The following ANKS1B variants were observed in gnomAD, a reference collection of about 807,000 sequenced individuals.
ANKS1B encodes the protein ankyrin repeat and sterile alpha motif domain-containing protein 1B.
ANKS1B carries 36 observed loss-of-function variants against 148.3 expected under a neutral mutation model. That is an observed-to-expected ratio of 0.24 (90% CI 0.19 to 0.32). The LOEUF (loss-of-function observed/expected upper bound fraction) is 0.32. ANKS1B is among the 10% of genes least tolerant of loss of function. The pLI is 1.00. For synonymous variants in ANKS1B, 542 were observed against 560.8 expected (o/e 0.97, Z 0.47); for missense variants, 1,157 against 1,542.6 (o/e 0.75, Z 4.19).
chr12:99,532,888 A>G (rs2097016086), intron 9 of ANKS1B, among the ~76,000 whole-genome samples: 3 of 152,008 alleles, frequency 2.0e-5, no homozygotes, highest in Admixed American at 6.6e-5. Flanking sequence ...CTCTGTGCCT[A>G]TTTTATACCA....
At chr12:99,407,057 C>T (rs538049312) in intron 11 of ANKS1B, among the ~76,000 whole-genome samples, 3 of 145,880 alleles carry the variant, frequency 2.1e-5, no homozygotes, top group South Asian at 4.2e-4. Context: ...ATACCAAAAC[C>T]GGACAAAGAC....
At chr12:99,456,186 C>A (rs1200535445) in intron 10 of ANKS1B, among the ~76,000 whole-genome samples, 1 of 152,122 alleles carries the variant, frequency 6.6e-6, no homozygotes, top group Admixed American at 6.5e-5. Context: ...ACAGTCACTT[C>A]AGCTCTCAGG....
intron 24 of ANKS1B, among the ~76,000 whole-genome samples, chr12:98,774,892 T>G (rs2098652915): frequency 6.6e-6 from 1 of 152,210 alleles, no homozygotes; most frequent in Admixed American, 6.5e-5. Flanking sequence ...AAATTGCAAT[T>G]GGAATCCCAT....
At position 99,655,893 on chromosome 12, in the gene ANKS1B, C is replaced by T. The variant is rs909559131; in HGVS notation, c.1129-683G>A. On this transcript the variant is annotated intron_variant, in intron 8 of 26. Transcript: ENST00000683438. ...AACAGATGGGTATTACCTGACTTAGCAAACATGAGAACACTGAAAGCAAAG... is the reference window on the plus strand; with the variant it reads ...AACAGATGGGTATTACCTGACTTAGTAAACATGAGAACACTGAAAGCAAAG... Among the ~76,000 whole-genome samples, 7 of 152,078 alleles carry T rather than the reference C, an allele frequency of 4.6e-5. No homozygotes were observed. The East Asian group carries it at 1.2e-3, about 25-fold the overall frequency.
At chr12:99,052,454 G>A (rs983843373) in intron 17 of ANKS1B, among the ~76,000 whole-genome samples, 6 of 148,772 alleles carry the variant, frequency 4.0e-5, no homozygotes, top group African/African-American at 1.3e-4. Flanking sequence ...GGGGCCGGGC[G>A]CGGTGGCTCA....
rs1418619949 is a variant in ANKS1B, at chr12:99,254,402, GT to G, written c.1757-7539del. ...ACTTTCATTATCTCATGAGTGTACAGTAGAGTTGTTCAGAGGCTACATGATG... is the reference window on the plus strand; with the variant it reads ...ACTTTCATTATCTCATGAGTGTACAGAGAGTTGTTCAGAGGCTACATGATG... On this transcript the variant is annotated intron_variant, in intron 12 of 26. Coordinates refer to ENST00000683438, the MANE Select transcript of ANKS1B (RefSeq NM_001352186.2). 5.3e-5 allele frequency among the ~76,000 whole-genome samples: 8 copies of G among 152,328 alleles called. No individual in the cohort carries two copies. In the East Asian group the frequency reaches 1.5e-3, roughly 29 times the overall value.
At chr12:99,820,106 T>G (rs1441763338) in intron 2 of ANKS1B, among the ~76,000 whole-genome samples, 7 of 151,972 alleles carry the variant, frequency 4.6e-5, no homozygotes, top group Non-Finnish European at 8.8e-5. Context: ...TGCAGTAAAT[T>G]TTGTTTTATT....
chr12:98,761,643 T>C (rs1039168495), intron 25 of ANKS1B, among the ~76,000 whole-genome samples: 16 of 152,250 alleles, frequency 1.1e-4, no homozygotes, highest in Non-Finnish European at 8.8e-5. Context: ...TACCTATTCA[T>C]GTAGGCTGTC....
At chr12:99,618,945 G>A (rs2098009778) in intron 9 of ANKS1B, among the ~76,000 whole-genome samples, 1 of 152,096 alleles carries the variant, frequency 6.6e-6, no homozygotes, top group Non-Finnish European at 1.5e-5. Flanking sequence ...AGTCGGCACT[G>A]GAATTGTACT....
intron 17 of ANKS1B, among the ~76,000 whole-genome samples, chr12:99,038,283 T>A (rs111697678): frequency 0.016 from 2,432 of 152,210 alleles, 24 homozygotes; most frequent in South Asian, 0.041. Flanking sequence ...TAACAAATAT[T>A]CCCAATCTCA....
chr12:98,884,805 C>CAAAAA lies in ANKS1B; in HGVS notation c.2779-52674_2779-52670dup, dbSNP rs35160751. ...TGGGCGACAGAGCGAGACTCCGTCTCAAAAAAAAAAAAAAAAAAAAGAAAC... is the reference window on the plus strand; with the variant it reads ...TGGGCGACAGAGCGAGACTCCGTCTCAAAAAAAAAAAAAAAAAAAAAAAAAGAAAC... On this transcript the variant is annotated intron_variant, in intron 17 of 26. Coordinates refer to ENST00000683438, the MANE Select transcript of ANKS1B (RefSeq NM_001352186.2). Among the ~76,000 whole-genome samples, 28 of 83,740 alleles carry CAAAAA rather than the reference C, an allele frequency of 3.3e-4. 1 individual carries two copies. Among genetic ancestry groups the CAAAAA allele is most frequent in the African/African-American group, 1.2e-3 (25 of 21,692 alleles). The allele number at this position is 83,740 out of a possible 152,430, so 54.9% of individuals were successfully genotyped here.
intron 8 of ANKS1B, among the ~76,000 whole-genome samples, chr12:99,735,333 G>T (rs1044641030): frequency 2.0e-5 from 3 of 151,958 alleles, no homozygotes; most frequent in African/African-American, 7.2e-5. Context: ...TGAAAAGTTG[G>T]CTTTTCAAAA....
chr12:98,902,393 AAAG>A (rs2099773349), intron 17 of ANKS1B, among the ~76,000 whole-genome samples: 1 of 152,224 alleles, frequency 6.6e-6, no homozygotes. Context: ...GTTAGCAATG[AAAG>A]AAGAAGGCTG....
Position 99,246,524 on chromosome 12 carries a change from C to T in ANKS1B, c.2097G>A (p.Gly699=), listed in dbSNP as rs1203306920. ...CCCCTGCGTTCATAACCCACTGGTC[C>T]CCATTCCGAGATCCACTCCTGGTTG... ...TRSTRSGSRN[G]DQWVMNAGGF... is the part of the protein sequence containing the mutation. Residue 699 remains glycine, a synonymous_variant, in exon 13 of 27, where the codon GGG becomes GGA. Coordinates refer to ENST00000683438, the MANE Select transcript of ANKS1B (RefSeq NM_001352186.2). 2 of 1,613,806 alleles carry T rather than the reference C, an allele frequency of 1.2e-6. No individual in the cohort carries two copies.
intron 15 of ANKS1B, among the ~76,000 whole-genome samples, chr12:99,089,655 C>T (rs1566000327): frequency 1.3e-5 from 2 of 152,230 alleles, no homozygotes; most frequent in Non-Finnish European, 2.9e-5. Flanking sequence ...TATTCATGTG[C>T]CTCTTAGTCA....
intron 20 of ANKS1B, among the ~76,000 whole-genome samples, chr12:98,803,786 T>C (rs1177842337): frequency 6.6e-6 from 1 of 152,240 alleles, no homozygotes; most frequent in Non-Finnish European, 1.5e-5. Flanking sequence ...ATGCAAATCA[T>C]ATGCAAATTC....
intron 24 of ANKS1B, among the ~76,000 whole-genome samples, chr12:98,779,608 TC>T (rs775919266): frequency 6.6e-6 from 1 of 152,046 alleles, no homozygotes; most frequent in South Asian, 2.1e-4. Context: ...GAAAAAAAAA[TC>T]CAGGTGCCAA....
At chr12:99,178,609 G>A (rs936491984) in intron 14 of ANKS1B, among the ~76,000 whole-genome samples, 1 of 152,080 alleles carries the variant, frequency 6.6e-6, no homozygotes, top group African/African-American at 2.4e-5. Flanking sequence ...ACAATGCAGG[G>A]AATGTTTCCC....
At chr12:99,621,015 A>T (rs991465820) in intron 9 of ANKS1B, among the ~76,000 whole-genome samples, 1 of 152,114 alleles carries the variant, frequency 6.6e-6, no homozygotes, top group Non-Finnish European at 1.5e-5. Flanking sequence ...GTCAGATCAC[A>T]TACAAAGGGA....
Sources: gnomAD v4.1 joint callset for allele counts (sites outside exome capture counted in the v4.1 genomes callset) on GRCh38, gnomAD v4.1.1 for gene constraint, MANE v1.5 for transcripts, NCBI Gene and HGNC (gene_info 2026-07-23, HGNC 2026-07-21) for gene names.